Variants in CUBN observed in about 807,000 individuals in gnomAD.
CUBN encodes 460 kDa receptor.
CUBN carries 282 observed loss-of-function variants against 405.3 expected under a neutral mutation model. The ratio of observed to expected loss-of-function variants is 0.70; its 90% confidence interval spans 0.63 to 0.77. The LOEUF (loss-of-function observed/expected upper bound fraction) is 0.77, where lower values mean the gene tolerates loss of function less well. Ranked by LOEUF, CUBN falls within the 30% of genes least tolerant of loss-of-function variation. The pLI is 0.00. For synonymous variants in CUBN, 1,684 were observed against 1,617.0 expected (o/e 1.04, Z -0.99); for missense variants, 4,514 against 4,475.2 (o/e 1.01, Z -0.25).
intron 28 of CUBN, among the ~76,000 whole-genome samples, chr10:17,018,047 C>T (rs571825086): frequency 1.3e-5 from 2 of 152,196 alleles, no homozygotes; most frequent in African/African-American, 2.4e-5. Context: ...CCCAGAAGTA[C>T]AGGAAAAGCG....
At chr10:16,977,448 AG>A (rs1833132145) in intron 31 of CUBN, among the ~76,000 whole-genome samples, 1 of 152,244 alleles carries the variant, frequency 6.6e-6, no homozygotes, top group African/African-American at 2.4e-5. Context: ...GAGTTCAGCC[AG>A]GGTCAGTCAA....
chr10:16,899,114 T>A lies in CUBN; in HGVS notation c.8480A>T (p.Glu2827Val). ...RSPHWPQNFP[E>V]NSRCSWTAIT... ...GGCCGTCCAGGAACATCTGCTGTTTTCGGGAAAATTCTGAGGCCAGTGAGG... is the reference window on the plus strand; with the variant it reads ...GGCCGTCCAGGAACATCTGCTGTTTACGGGAAAATTCTGAGGCCAGTGAGG... Residue 2827 changes from glutamate (E) to valine (V), a missense_variant, in exon 54 of 67, where the codon GAA (glutamate) becomes GTA (valine). Physicochemically the swap from Glu to Val is moderately radical, Grantham distance 121. Coordinates refer to ENST00000377833, the MANE Select transcript of CUBN (RefSeq NM_001081.4). The A allele has an allele frequency of 4.3e-6, 7 of 1,614,014 alleles. No homozygotes were observed. The highest frequency in any genetic ancestry group is 5.9e-6 in the Non-Finnish European group (7 of 1,179,862).
intron 28 of CUBN, among the ~76,000 whole-genome samples, chr10:17,018,266 A>AGTGGT (rs1834392909): frequency 6.6e-6 from 1 of 152,172 alleles, no homozygotes; most frequent in Non-Finnish European, 1.5e-5. Flanking sequence ...AGTGGTACTC[A>AGTGGT]CCGCTTGGTG....
At chr10:16,971,071 C>T (rs59085962) in intron 31 of CUBN, among the ~76,000 whole-genome samples, 11,642 of 152,228 alleles carry the variant, frequency 0.076, 623 homozygotes, top group East Asian at 0.15. Context: ...ATAATTTTCA[C>T]TGGTATTTAA....
At chr10:16,839,658 T>C (rs780619) in intron 62 of CUBN, among the ~76,000 whole-genome samples, 12,337 of 67,220 alleles carry the variant, frequency 0.18, 2,899 homozygotes, top group Middle Eastern at 0.45. Context: ...GTCAGTGTGG[T>C]GATTCCTTAG....
intron 31 of CUBN, among the ~76,000 whole-genome samples, chr10:16,956,666 T>C (rs1351900759): frequency 6.6e-6 from 1 of 152,162 alleles, no homozygotes; most frequent in Non-Finnish European, 1.5e-5. Flanking sequence ...CTATTAATAC[T>C]GTCTTAGTTT....
At chr10:16,951,739 C>G (rs1046838943) in intron 33 of CUBN, among the ~76,000 whole-genome samples, 3 of 152,210 alleles carry the variant, frequency 2.0e-5, no homozygotes. Flanking sequence ...TCTTCTAGGC[C>G]TGTGCTGGAA....
At chr10:16,915,436 A>G (rs1841856544) in intron 46 of CUBN, among the ~76,000 whole-genome samples, 1 of 152,196 alleles carries the variant, frequency 6.6e-6, no homozygotes, top group Non-Finnish European at 1.5e-5. Context: ...TGAAAAAATG[A>G]TCTGAGACAA....
chr10:16,864,948 C>CCTACCTGAACATATTTATACA (rs1840130356), intron 59 of CUBN, among the ~76,000 whole-genome samples: 5 of 50,046 alleles, frequency 1.0e-4, no homozygotes, highest in South Asian at 1.8e-3. Flanking sequence ...CCATGCCCAG[C>CCTACCTGAACATATTTATACA]TTTTTTTTTT....
In CUBN at chr10:17,068,719, T is replaced by C. The variant is rs188342700; in HGVS notation, c.2677A>G (p.Thr893Ala). 1.8e-4 allele frequency: 290 copies of C among 1,612,584 alleles called. 4 individuals are homozygous for C. In the Admixed American group the frequency reaches 4.7e-3, roughly 26 times the overall value. Residue 893 changes from threonine (T) to alanine (A), a missense_variant, in exon 20 of 67, where the codon ACA (threonine) becomes GCA (alanine). Physicochemically the swap from Thr to Ala is moderately conservative, Grantham distance 58. This residue lies in a region of CUBN where 1,448 missense variants were observed against 1,388.0 expected (regional missense o/e 1.04). Transcript: ENST00000377833. ...GATGTTATAAATGAAGGTATGTCTG[T>C]ACCGCAATACTTTTTATTTTCAGGA... ...GSPENKKYCGTDIPSFITSVY... is the reference protein window; with the variant it reads ...GSPENKKYCGADIPSFITSVY...
intron 59 of CUBN, among the ~76,000 whole-genome samples, chr10:16,854,259 A>G (rs535364192): frequency 6.6e-6 from 1 of 152,354 alleles, no homozygotes; most frequent in South Asian, 2.1e-4. Flanking sequence ...GGGCAAGCAT[A>G]ACTCTGAGAA....
chr10:16,991,278 A>G (rs1258815824), intron 28 of CUBN, among the ~76,000 whole-genome samples: 1 of 152,208 alleles, frequency 6.6e-6, no homozygotes, highest in Non-Finnish European at 1.5e-5. Context: ...TTCCGTACTC[A>G]TAAGGACCAC....
chr10:16,915,806 A>T lies in CUBN; in HGVS notation c.7210+15T>A. On this transcript the variant is annotated intron_variant, in intron 46 of 66. Transcript: ENST00000377833. Reference sequence around the variant, plus strand: ...AAAATAAACACCCAAAAGAGAGCAGATATATTTTACTAACCAGAGGTATGA... The same window carrying T: ...AAAATAAACACCCAAAAGAGAGCAGTTATATTTTACTAACCAGAGGTATGA... 6.3e-7 allele frequency: 1 copy of T among 1,597,516 alleles called. No individual in the cohort carries two copies. Among genetic ancestry groups the T allele is most frequent in the South Asian group, 1.1e-5 (1 of 90,724 alleles).
At chr10:17,124,664 G>A (rs368074287) in intron 4 of CUBN, among the ~76,000 whole-genome samples, 6 of 151,966 alleles carry the variant, frequency 3.9e-5, no homozygotes, top group African/African-American at 7.3e-5. Context: ...TCCTGACCTC[G>A]TGATCCGCCC....
At chr10:16,993,028 T>C (rs1460558428) in intron 28 of CUBN, among the ~76,000 whole-genome samples, 1 of 152,198 alleles carries the variant, frequency 6.6e-6, no homozygotes, top group Admixed American at 6.5e-5. Context: ...TATAACAGGA[T>C]GCTTCCGGAG....
At chr10:17,121,375 G>C (rs982438643) in intron 6 of CUBN, among the ~76,000 whole-genome samples, 1 of 152,036 alleles carries the variant, frequency 6.6e-6, no homozygotes, top group Non-Finnish European at 1.5e-5. Flanking sequence ...ATAAAAAAAT[G>C]ATGAGTTCAT....
chr10:16,978,951 C>G (rs1053963803), intron 31 of CUBN, among the ~76,000 whole-genome samples: 1 of 152,106 alleles, frequency 6.6e-6, no homozygotes, highest in African/African-American at 2.4e-5. Flanking sequence ...ATCGTCGCAG[C>G]CCAAAATCTT....
chr10:16,954,420 C>A lies in CUBN; in HGVS notation c.4824G>T (p.Gln1608His). The change falls in exon 32 of 67, where the codon CAG (glutamine) becomes CAT (histidine). Residue 1608 changes from glutamine to histidine, a missense_variant. Gln to His is a conservative substitution (Grantham distance 24). Around this residue, in one of 5 missense-constraint regions of CUBN, gnomAD observed 1,613 missense variants for 1,542.8 expected, o/e 1.05. Coordinates refer to ENST00000377833, the MANE Select transcript of CUBN (RefSeq NM_001081.4). ...FLRFQSGPSR[Q>H]NRGFRAQFRQ... ...TGAATTGAGCTCGGAAGCCTCTGTT[C>A]TGTCTGGAAGGGCCAGACTGAAATC... 6.2e-7 allele frequency: 1 copy of A among 1,614,206 alleles called. No homozygotes were observed. Among genetic ancestry groups the A allele is most frequent in the Non-Finnish European group, 8.5e-7 (1 of 1,180,038 alleles).
intron 43 of CUBN, among the ~76,000 whole-genome samples, chr10:16,924,553 G>C (rs1274090229): frequency 2.2e-4 from 34 of 151,920 alleles, no homozygotes; most frequent in Admixed American, 2.2e-3. Context: ...GGATCATTTT[G>C]AAATCTATAT....
Sources: gnomAD v4.1 joint callset for allele counts (sites outside exome capture counted in the v4.1 genomes callset) on GRCh38, gnomAD v4.1.1 for gene constraint, gnomAD v4.1.1 regional missense constraint, MANE v1.5 for transcripts, NCBI Gene and HGNC (gene_info 2026-07-23, HGNC 2026-07-21) for gene names.